SLC5A8: variants seen among roughly 807,000 people sequenced by gnomAD.
SLC5A8 encodes solute carrier family 5 member 8, also known as sodium-coupled monocarboxylate transporter 1.
SLC5A8 carries 55 observed loss-of-function variants against 71.9 expected under a neutral mutation model. The ratio of observed to expected loss-of-function variants is 0.77; its 90% CI spans 0.62 to 0.96. The LOEUF (loss-of-function observed/expected upper bound fraction) is 0.96. SLC5A8 is among the 40% of genes least tolerant of loss of function. The pLI is 0.00. For synonymous variants in SLC5A8, 307 were observed against 276.1 expected (o/e 1.11, Z -1.11); for missense variants, 701 against 745.3 (o/e 0.94, Z 0.69).
At chr12:101,175,067 GA>G (rs1170558128) in intron 10 of SLC5A8, among the ~76,000 whole-genome samples, 2 of 151,322 alleles carry the variant, frequency 1.3e-5, no homozygotes, top group African/African-American at 2.4e-5. Context: ...AAAATAGAGG[GA>G]AAAAATATAT....
At chr12:101,190,322 G>A in intron 6 of SLC5A8, 146 bp downstream of exon 6, 2 of 823,140 alleles carry the variant, frequency 2.4e-6, no homozygotes, top group Non-Finnish European at 3.7e-6. Context: ...ATTTGTTCTT[G>A]GTCCTTTTGT....
intron 12 of SLC5A8, among the ~76,000 whole-genome samples, chr12:101,164,666 G>A (rs1437463586): frequency 6.6e-6 from 1 of 152,122 alleles, no homozygotes; most frequent in Admixed American, 6.5e-5. Context: ...GTGTCCCTGT[G>A]CTCAATCCTG....
At chr12:101,170,680 A>C (rs1295915655) in intron 10 of SLC5A8, among the ~76,000 whole-genome samples, 4 of 152,120 alleles carry the variant, frequency 2.6e-5, no homozygotes, top group Non-Finnish European at 5.9e-5. Context: ...TTCCATCCGA[A>C]CACCACAGAA....
At chr12:101,202,910 C>A (rs12425438) in intron 2 of SLC5A8, among the ~76,000 whole-genome samples, 1 of 152,078 alleles carries the variant, frequency 6.6e-6, no homozygotes, top group Non-Finnish European at 1.5e-5. Flanking sequence ...TCTATAAAAG[C>A]ATATTATGAA....
At chr12:101,187,312 A>G in intron 7 of SLC5A8, 74 bp downstream of exon 7, 2 of 1,462,794 alleles carry the variant, frequency 1.4e-6, no homozygotes, top group South Asian at 1.6e-5. Context: ...CAAGAATATG[A>G]ATGCTCTTTC....
chr12:101,195,525 A>G (rs1044159494), intron 3 of SLC5A8, among the ~76,000 whole-genome samples: 2 of 152,116 alleles, frequency 1.3e-5, no homozygotes, highest in South Asian at 2.1e-4. Flanking sequence ...TAATGTTGCA[A>G]ATACCTGAAT....
At chr12:101,193,531 C>T (rs2137158811) in intron 5 of SLC5A8, 94 bp downstream of exon 5, 2 of 1,425,726 alleles carry the variant, frequency 1.4e-6, no homozygotes, top group African/African-American at 1.4e-5. Flanking sequence ...AATTTGTTGG[C>T]TTGTTTTTTA....
chr12:101,201,143 A>T (rs1425083953), intron 3 of SLC5A8, among the ~76,000 whole-genome samples: 1 of 152,208 alleles, frequency 6.6e-6, no homozygotes, highest in Non-Finnish European at 1.5e-5. Flanking sequence ...AATATGTTCA[A>T]TTACACTTAA....
chr12:101,192,790 T>C (rs1246046064), intron 5 of SLC5A8, among the ~76,000 whole-genome samples: 1 of 152,146 alleles, frequency 6.6e-6, no homozygotes, highest in African/African-American at 2.4e-5. Flanking sequence ...TAAGCTACTA[T>C]GTTAATATAC....
At chr12:101,183,556 T>C (rs1868465944) in intron 8 of SLC5A8, among the ~76,000 whole-genome samples, 1 of 152,186 alleles carries the variant, frequency 6.6e-6, no homozygotes, top group Admixed American at 6.5e-5. Context: ...GTATTTTTCT[T>C]TGTGCATAGA....
In SLC5A8 at chr12:101,187,445, A is replaced by T. The variant is rs1249124991; in HGVS notation, c.904T>A (p.Tyr302Asn). 1.2e-6 allele frequency: 2 copies of T among 1,614,034 alleles called. No individual in the cohort carries two copies. Among genetic ancestry groups the T allele is most frequent in the East Asian group, 4.5e-5 (2 of 44,864 alleles). Residue 302 changes from tyrosine (Y) to asparagine (N), a missense_variant, in exon 7 of 15, where the codon TAT (tyrosine) becomes AAT (asparagine). By Grantham distance (143) the Tyr-to-Asn change is moderately radical. Transcript: ENST00000536262. ...TCSVFCGLAL[Y>N]SRYHDCDPWT... ...GGATCACAGTCATGGTACCTGGAAT[A>T]TAGGGCGAGCCCACAAAACACTGAG...
intron 2 of SLC5A8, 40 bp downstream of exon 2, chr12:101,204,460 T>C (rs1326036670): frequency 1.3e-6 from 2 of 1,536,570 alleles, no homozygotes; most frequent in Non-Finnish European, 1.8e-6. Context: ...TTAAAAACAT[T>C]TTAGCTGACA....
intron 10 of SLC5A8, among the ~76,000 whole-genome samples, chr12:101,175,208 A>G (rs1253312694): frequency 6.6e-6 from 1 of 152,152 alleles, no homozygotes; most frequent in Non-Finnish European, 1.5e-5. Flanking sequence ...TATAGAAGGA[A>G]CAGAGAAAAA....
chr12:101,158,596 CTCTATATA>C (rs1248874279), intron 13 of SLC5A8, among the ~76,000 whole-genome samples: 39 of 17,700 alleles, frequency 2.2e-3, no homozygotes, highest in African/African-American at 4.8e-3. Context: ...CTCTCTCTCT[CTCTATATA>C]TATATATATA....
At chr12:101,199,068 G>T (rs1869320836) in intron 3 of SLC5A8, among the ~76,000 whole-genome samples, 1 of 151,772 alleles carries the variant, frequency 6.6e-6, no homozygotes, top group Admixed American at 6.6e-5. Flanking sequence ...TCTCAGGATG[G>T]AATATCAACA....
In SLC5A8 at chr12:101,162,001, C is replaced by T. The variant is rs765173349; in HGVS notation, c.1603G>A (p.Val535Met). ...GTTGATAAACTGACAAGTATCCCCACTAATAATGTTACCAAAGTTCCAACA... is the reference window on the plus strand; with the variant it reads ...GTTGATAAACTGACAAGTATCCCCATTAATAATGTTACCAAAGTTCCAACA... ...STVGTLVTLL[V>M]GILVSLSTGG... The change falls in exon 13 of 15, where the codon GTG becomes ATG. Residue 535 changes from valine to methionine, a missense_variant. Coordinates refer to ENST00000536262, the MANE Select transcript of SLC5A8 (RefSeq NM_145913.5). The T allele has an allele frequency of 1.2e-6, 2 of 1,613,174 alleles. No homozygotes were observed. The highest frequency in any genetic ancestry group is 4.5e-5 in the East Asian group (2 of 44,846).
At chr12:101,176,745 C>G (rs2051883258) in intron 10 of SLC5A8, among the ~76,000 whole-genome samples, 1 of 151,752 alleles carries the variant, frequency 6.6e-6, no homozygotes, top group African/African-American at 2.4e-5. Flanking sequence ...TGAATGTAAA[C>G]AAACATACAA....
At position 101,162,490 on chromosome 12, in the gene SLC5A8, C is replaced by A. The variant is rs371576887; in HGVS notation, c.1527-413G>T. ...CCCAACAGCAAAGACATGCAATCAA[C>A]CTAGGTGCCCATCAATGGTGGACTG... On this transcript the variant is annotated intron_variant, in intron 12 of 14. Coordinates refer to ENST00000536262, the MANE Select transcript of SLC5A8 (RefSeq NM_145913.5). Among the ~76,000 whole-genome samples the A allele has an allele frequency of 3.3e-5, 5 of 152,284 alleles. No individual in the cohort carries two copies. The East Asian group carries it at 7.7e-4, about 23-fold the overall frequency.
At position 101,201,572 on chromosome 12, in the gene SLC5A8, C is replaced by T. The variant is rs74946495; in HGVS notation, c.469+592G>A. Among the ~76,000 whole-genome samples, 647 of 152,310 alleles carry T rather than the reference C, an allele frequency of 4.2e-3. 2 individuals carry two copies. Among genetic ancestry groups the T allele is most frequent in the Middle Eastern group, 0.014 (4 of 294 alleles). Reference sequence around the variant, plus strand: ...GTTTGCTTCAATAAACTATCCCAGCCTCACTGCATTTATCTTCCCAAATCT... The same window carrying T: ...GTTTGCTTCAATAAACTATCCCAGCTTCACTGCATTTATCTTCCCAAATCT... On this transcript the variant is annotated intron_variant, in intron 3 of 14. Transcript: ENST00000536262.
Sources: gnomAD v4.1 joint callset for allele counts (sites outside exome capture counted in the v4.1 genomes callset) on GRCh38, gnomAD v4.1.1 for gene constraint, MANE v1.5 for transcripts, NCBI Gene and HGNC (gene_info 2026-07-23, HGNC 2026-07-21) for gene names.